The following MAGI1 variants were observed in gnomAD, a reference collection of about 807,000 sequenced individuals.
The protein encoded by MAGI1 is membrane associated guanylate kinase, WW and PDZ domain containing 1.
In MAGI1, 58 loss-of-function variants were observed where a neutral mutation model predicts 139.9. That is an observed-to-expected ratio of 0.41 (90% CI 0.34 to 0.52). The LOEUF is 0.52. Among genes scored for constraint, MAGI1 ranks in the 20% least tolerant of loss-of-function variants. MAGI1 has a pLI of 0.12. For missense variants in MAGI1, 1,874 were observed against 1,901.6 expected, an observed-to-expected ratio of 0.99 and a Z score of 0.27; for synonymous variants, 812 against 737.9, an observed-to-expected ratio of 1.10 and a Z score of -1.63.
At chr3:65,916,465 C>T (rs374340140) in intron 1 of MAGI1, among the ~76,000 whole-genome samples, 35 of 152,114 alleles carry the variant, frequency 2.3e-4, no homozygotes, top group African/African-American at 6.5e-4. Context: ...GAAAGGCACA[C>T]CTTACGTGGT....
chr3:65,752,224 C>T (rs373394295), intron 1 of MAGI1, among the ~76,000 whole-genome samples: 1 of 152,152 alleles, frequency 6.6e-6, no homozygotes, highest in Non-Finnish European at 1.5e-5. Context: ...GCTGGGATTA[C>T]AAGAGTGACC....
chr3:65,738,532 T>G (rs548291118), intron 1 of MAGI1, among the ~76,000 whole-genome samples: 21 of 152,330 alleles, frequency 1.4e-4, no homozygotes, highest in African/African-American at 5.1e-4. Context: ...GATTTTCAAC[T>G]TACTTTGACC....
intron 1 of MAGI1, among the ~76,000 whole-genome samples, chr3:65,623,713 G>C (rs1261390864): frequency 6.6e-6 from 1 of 152,106 alleles, no homozygotes; most frequent in Admixed American, 6.5e-5. Flanking sequence ...TTCCTACCTA[G>C]GGCAGGAAAC....
At chr3:65,576,084 G>A (rs2081162554) in intron 2 of MAGI1, among the ~76,000 whole-genome samples, 2 of 152,090 alleles carry the variant, frequency 1.3e-5, no homozygotes, top group South Asian at 4.1e-4. Context: ...CAGTAAAGAT[G>A]TTTTTAGAGT....
chr3:65,937,664 C>G (rs1445813956), intron 1 of MAGI1, among the ~76,000 whole-genome samples: 4 of 152,114 alleles, frequency 2.6e-5, no homozygotes, highest in Admixed American at 2.6e-4. Flanking sequence ...ATTTTTAAGC[C>G]ACTTCTTTTA....
chr3:65,853,818 C>T (rs932846162), intron 1 of MAGI1, among the ~76,000 whole-genome samples: 2 of 152,024 alleles, frequency 1.3e-5, no homozygotes, highest in African/African-American at 2.4e-5. Context: ...AGAAGTGCCC[C>T]GACAGGCCAG....
intron 1 of MAGI1, among the ~76,000 whole-genome samples, chr3:65,700,427 G>A (rs145734312): frequency 0.065 from 9,809 of 151,952 alleles, 369 homozygotes; most frequent in Middle Eastern, 0.095. Flanking sequence ...TCCAGCCTGG[G>A]CTACAGAGCG....
At chr3:65,716,341 A>G (rs904681339) in intron 1 of MAGI1, among the ~76,000 whole-genome samples, 2 of 152,230 alleles carry the variant, frequency 1.3e-5, no homozygotes, top group Non-Finnish European at 2.9e-5. Context: ...GGCTGTGAAC[A>G]TAAATATATT....
At chr3:65,954,770 C>T (rs1293094496) in intron 1 of MAGI1, among the ~76,000 whole-genome samples, 1 of 152,042 alleles carries the variant, frequency 6.6e-6, no homozygotes, top group Non-Finnish European at 1.5e-5. Context: ...AGTTTCTTCA[C>T]CTATAAACCA....
chr3:65,908,650 C>CT (rs2061534793), intron 1 of MAGI1, among the ~76,000 whole-genome samples: 1 of 152,136 alleles, frequency 6.6e-6, no homozygotes, highest in Non-Finnish European at 1.5e-5. Flanking sequence ...TTTTTCTCTC[C>CT]ATGAAATAAG....
intron 2 of MAGI1, among the ~76,000 whole-genome samples, chr3:65,538,224 T>C (rs1416494275): frequency 6.6e-6 from 1 of 152,142 alleles, no homozygotes; most frequent in African/African-American, 2.4e-5. Flanking sequence ...GGTTGGAGTA[T>C]AAGGATAAAA....
At chr3:65,750,676 T>A (rs559226645) in intron 1 of MAGI1, among the ~76,000 whole-genome samples, 2 of 152,310 alleles carry the variant, frequency 1.3e-5, no homozygotes, top group South Asian at 2.1e-4. Context: ...AATGCTTACT[T>A]TGGAGTCCAA....
chr3:65,448,149 A>G (rs994761684), intron 6 of MAGI1, 92 bp from the exon 7 acceptor site: 4 of 1,103,700 alleles, frequency 3.6e-6, no homozygotes, highest in African/African-American at 3.1e-5. Flanking sequence ...TCAGGAAAAC[A>G]GCAGCAAACA....
chr3:65,389,603 A>C (rs1406896998), intron 14 of MAGI1, among the ~76,000 whole-genome samples: 1 of 152,216 alleles, frequency 6.6e-6, no homozygotes, highest in African/African-American at 2.4e-5. Context: ...GGTTTTCTTC[A>C]GTGAAATCAC....
rs1553716718 is a variant in MAGI1 at position 65,846,983 on chromosome 3, A to AAACAAAAAC, written c.313+191012_313+191013insGTTTTTGTT. Among the ~76,000 whole-genome samples the AAACAAAAAC allele has an allele frequency of 4.1e-3, 611 of 147,484 alleles. 8 individuals are homozygous for AAACAAAAAC. Among genetic ancestry groups the AAACAAAAAC allele is most frequent in the Non-Finnish European group, 6.4e-3 (428 of 66,916 alleles). ...AAGAATAGCAATGTCTTACAAAAAA[A>AAACAAAAAC]AAAAAAAAAAAAACCCTAAGCACAT... On this transcript the variant is annotated intron_variant, in intron 1 of 22. Coordinates refer to ENST00000402939, the MANE Select transcript of MAGI1 (RefSeq NM_001033057.2).
chr3:65,383,487 G>A, intron 15 of MAGI1, 45 bp downstream of exon 15: 2 of 1,462,070 alleles, frequency 1.4e-6, no homozygotes, highest in Non-Finnish European at 1.9e-6. Flanking sequence ...TTGCTTTGAA[G>A]CCTTAGAAAA....
intron 1 of MAGI1, among the ~76,000 whole-genome samples, chr3:65,738,342 A>G (rs962758828): frequency 1.3e-5 from 2 of 152,162 alleles, no homozygotes; most frequent in Non-Finnish European, 2.9e-5. Flanking sequence ...AAGCCAATTT[A>G]AAAAAAAAAT....
intron 1 of MAGI1, among the ~76,000 whole-genome samples, chr3:65,815,515 T>C (rs1000313273): frequency 4.6e-5 from 7 of 152,072 alleles, no homozygotes; most frequent in Non-Finnish European, 7.4e-5. Context: ...TAATTCGTCA[T>C]TGGATATATT....
chr3:65,930,309 C>G (rs2062743954), intron 1 of MAGI1, among the ~76,000 whole-genome samples: 3 of 56,788 alleles, frequency 5.3e-5, no homozygotes, highest in Admixed American at 2.4e-4. Context: ...GAGCAAGACT[C>G]CGTCTCAAAA....
Sources: gnomAD v4.1 joint callset for allele counts (sites outside exome capture counted in the v4.1 genomes callset) on GRCh38, gnomAD v4.1.1 for gene constraint, MANE v1.5 for transcripts, NCBI Gene and HGNC (gene_info 2026-07-23, HGNC 2026-07-21) for gene names.